The following NOL4L variants were observed in gnomAD, a reference collection of about 807,000 sequenced individuals.
The protein encoded by NOL4L is nucleolar protein 4 like.
In NOL4L, 7 loss-of-function variants were observed where a neutral mutation model predicts 64.5. That is an observed-to-expected ratio of 0.11 (90% CI 0.06 to 0.20). The LOEUF (loss-of-function observed/expected upper bound fraction) is 0.20, where lower values mean the gene tolerates loss of function less well. Ranked by LOEUF, NOL4L falls within the 10% of genes least tolerant of loss-of-function variation. The pLI is 1.00. For synonymous variants in NOL4L, 413 were observed against 401.0 expected, an observed-to-expected ratio of 1.03 and a Z score of -0.36; for missense variants, 680 against 967.1, an observed-to-expected ratio of 0.70 and a Z score of 3.94.
rs753377000 is a variant in NOL4L, at chr20:32,453,036, T to C, written c.1498-30A>G. 6.2e-7 allele frequency: 1 copy of C among 1,610,012 alleles called. No homozygotes were observed. The highest frequency in any genetic ancestry group is 1.1e-5 in the South Asian group (1 of 91,052). On this transcript the variant is annotated intron_variant, in intron 8 of 10. Transcript: ENST00000621426. This position sits in a 1 kb window ranked among gnomAD's most constrained non-coding sequence, Gnocchi z 5.6. Reference sequence around the variant, plus strand: ...AGGCAGAACGGGGATGGAGCTAGCATGGGGCCCGTGGGGGCCCTGGGCTTG... The same window carrying C: ...AGGCAGAACGGGGATGGAGCTAGCACGGGGCCCGTGGGGGCCCTGGGCTTG...
intron 3 of NOL4L, among the ~76,000 whole-genome samples, chr20:32,512,821 G>A (rs558505338): frequency 1.2e-4 from 18 of 152,146 alleles, no homozygotes; most frequent in African/African-American, 4.3e-4. Flanking sequence ...ATTCTCTAAC[G>A]ATTGGCTATT....
intron 2 of NOL4L, among the ~76,000 whole-genome samples, chr20:32,521,221 T>C (rs549607449): frequency 1.3e-5 from 2 of 152,352 alleles, no homozygotes; most frequent in South Asian, 2.1e-4. Context: ...CCTCAGAACA[T>C]TTTATTGCTG....
chr20:32,466,073 T>G (rs2014525447), intron 5 of NOL4L, among the ~76,000 whole-genome samples: 1 of 151,660 alleles, frequency 6.6e-6, no homozygotes, highest in Non-Finnish European at 1.5e-5. Context: ...GTTCAAGCGA[T>G]TCTCCTGCCT....
In NOL4L at chr20:32,464,506, C is replaced by T. The variant is rs1331227752; in HGVS notation, c.842-8111G>A. Among the ~76,000 whole-genome samples the T allele has an allele frequency of 6.6e-6, 1 of 152,234 alleles. No individual in the cohort carries two copies. Among genetic ancestry groups the T allele is most frequent in the African/African-American group, 2.4e-5 (1 of 41,464 alleles). On this transcript the variant is annotated intron_variant, in intron 5 of 10. Coordinates refer to ENST00000621426, the MANE Select transcript of NOL4L (RefSeq NM_001256798.2). This position sits in a 1 kb window ranked among gnomAD's most constrained non-coding sequence, Gnocchi z 5.6. ...AGCCACGGAGCAGGGAGCCCATGCC[C>T]CCCATCTGGGTGCCACACTTGCCCC...
intron 1 of NOL4L, chr20:32,535,948 G>T: frequency 1.0e-6 from 1 of 985,818 alleles, no homozygotes; most frequent in Non-Finnish European, 1.2e-6. Flanking sequence ...CCTGGCGGGG[G>T]CAGGGAGAGG....
intron 6 of NOL4L, among the ~76,000 whole-genome samples, chr20:32,454,454 C>T (rs2013273140): frequency 6.7e-6 from 1 of 149,916 alleles, no homozygotes; most frequent in East Asian, 1.9e-4. Context: ...CTCCTGTCCT[C>T]CAGTAGAGAA....
chr20:32,448,072 G>C (rs2012483198), intron 10 of NOL4L, among the ~76,000 whole-genome samples: 1 of 152,316 alleles, frequency 6.6e-6, no homozygotes, highest in East Asian at 1.9e-4. Context: ...AGGCGGCCTT[G>C]GGGCAAAGGA....
At chr20:32,542,875 C>A (rs1365626507) in intron 1 of NOL4L, among the ~76,000 whole-genome samples, 1 of 152,196 alleles carries the variant, frequency 6.6e-6, no homozygotes, top group Non-Finnish European at 1.5e-5. Context: ...CGTGACTTAA[C>A]CTCTTTAAAC....
intron 1 of NOL4L, among the ~76,000 whole-genome samples, chr20:32,580,119 A>C (rs62208048): frequency 0.014 from 2,176 of 152,344 alleles, 16 homozygotes; most frequent in Middle Eastern, 0.02. Flanking sequence ...CAAAGTCAGA[A>C]TGGAGATGTA....
chr20:32,480,980 C>T (rs531403911), intron 4 of NOL4L, among the ~76,000 whole-genome samples: 1 of 152,344 alleles, frequency 6.6e-6, no homozygotes, highest in South Asian at 2.1e-4. Context: ...AGCACCAGCT[C>T]TTCTGGGAAA....
intron 4 of NOL4L, chr20:32,509,932 T>C (rs1298286481): frequency 7.7e-7 from 1 of 1,304,002 alleles, no homozygotes; most frequent in Non-Finnish European, 1.0e-6. Context: ...CCGGAGACAG[T>C]GAGGATGGCT....
rs535057888 is a variant in NOL4L at position 32,457,113 on chromosome 20, C to T, written c.842-718G>A. ...GGCGTCTCAGGGTGGGCAGCCCCGGCAAAGCACTGCGAGGGCGCCCCCTGC... is the reference window on the plus strand; with the variant it reads ...GGCGTCTCAGGGTGGGCAGCCCCGGTAAAGCACTGCGAGGGCGCCCCCTGC... On this transcript the variant is annotated intron_variant, in intron 5 of 10. Coordinates refer to ENST00000621426, the MANE Select transcript of NOL4L (RefSeq NM_001256798.2). Among the ~76,000 whole-genome samples, 5 of 152,356 alleles carry T rather than the reference C, an allele frequency of 3.3e-5. No individual in the cohort carries two copies. The East Asian group carries it at 9.6e-4, about 29-fold the overall frequency.
chr20:32,492,813 A>G (rs1269564380), intron 4 of NOL4L, among the ~76,000 whole-genome samples: 2 of 152,192 alleles, frequency 1.3e-5, no homozygotes, highest in African/African-American at 2.4e-5. Flanking sequence ...GTCACCCAAG[A>G]GTGGAGAAAC....
chr20:32,535,063 C>A lies in NOL4L; in HGVS notation c.322-7150G>T, dbSNP rs80282023. On this transcript the variant is annotated intron_variant, in intron 1 of 10. Transcript: ENST00000621426. Reference sequence around the variant, plus strand: ...GAGGTGGAGAGGAAATTGAAAACCACACTAAACTAAGAGAACAAAAAGAAA... The same window carrying A: ...GAGGTGGAGAGGAAATTGAAAACCAAACTAAACTAAGAGAACAAAAAGAAA... Among the ~76,000 whole-genome samples the A allele has an allele frequency of 2.5e-3, 380 of 152,026 alleles. 4 individuals carry two copies. The highest frequency in any genetic ancestry group is 8.8e-3 in the African/African-American group (363 of 41,480).
chr20:32,448,297 A>C (rs533103696), intron 10 of NOL4L, among the ~76,000 whole-genome samples: 1 of 152,288 alleles, frequency 6.6e-6, no homozygotes, highest in East Asian at 1.9e-4. Flanking sequence ...CAGGGGCCCA[A>C]CACACCTGAG....
chr20:32,544,359 G>A (rs540323400), intron 1 of NOL4L, among the ~76,000 whole-genome samples: 7 of 152,144 alleles, frequency 4.6e-5, no homozygotes, highest in South Asian at 2.1e-4. Flanking sequence ...CCTTTGAGGC[G>A]TGGTGAGGGG....
chr20:32,541,400 G>A (rs929448667), intron 1 of NOL4L, among the ~76,000 whole-genome samples: 1 of 152,220 alleles, frequency 6.6e-6, no homozygotes, highest in African/African-American at 2.4e-5. Flanking sequence ...GTGAGTGAAT[G>A]AATGAAACCA....
At chr20:32,568,647 C>T (rs935770587) in intron 1 of NOL4L, among the ~76,000 whole-genome samples, 7 of 152,266 alleles carry the variant, frequency 4.6e-5, no homozygotes, top group Non-Finnish European at 1.0e-4. Flanking sequence ...CCTGCACCTC[C>T]CTTCAAGCCA....
intron 10 of NOL4L, chr20:32,450,058 A>T (rs1401114309): frequency 6.6e-6 from 1 of 151,676 alleles, no homozygotes; most frequent in Non-Finnish European, 1.5e-5. Context: ...GGTTACAGCC[A>T]GATGCTCAGG....
Sources: allele counts gnomAD v4.1 joint callset (sites outside exome capture counted in the v4.1 genomes callset), GRCh38; gene constraint gnomAD v4.1.1; non-coding constraint Gnocchi (gnomAD v3.1); transcripts MANE v1.5; gene names NCBI Gene and HGNC (gene_info 2026-07-23, HGNC 2026-07-21).